Variants in CFAP299 observed in about 807,000 individuals in gnomAD.
CFAP299 encodes cilia and flagella associated protein 299, also known as cilia- and flagella-associated protein 299.
CFAP299 carries 21 observed loss-of-function variants against 27.0 expected under a neutral mutation model. That is an observed-to-expected ratio of 0.78 (90% CI 0.55 to 1.12). The LOEUF (loss-of-function observed/expected upper bound fraction) is 1.12. Among genes scored for constraint, CFAP299 ranks in the 50% most tolerant of loss-of-function variants. The pLI is 0.00. For missense variants in CFAP299, 310 were observed against 276.6 expected, an observed-to-expected ratio of 1.12 and a Z score of -0.86; for synonymous variants, 104 against 98.1, an observed-to-expected ratio of 1.06 and a Z score of -0.36.
chr4:80,488,351 T>A (rs1730934275), intron 2 of CFAP299, among the ~76,000 whole-genome samples: 2 of 152,198 alleles, frequency 1.3e-5, no homozygotes, highest in African/African-American at 4.8e-5. Flanking sequence ...TGATTGCAAC[T>A]GAGAAATTTT....
chr4:80,726,942 T>C (rs372529323), intron 3 of CFAP299, among the ~76,000 whole-genome samples: 1 of 152,096 alleles, frequency 6.6e-6, no homozygotes, highest in African/African-American at 2.4e-5. Context: ...TTTCTTTTAG[T>C]TCACTAATTT....
chr4:80,391,936 C>T (rs1425679016), intron 2 of CFAP299, among the ~76,000 whole-genome samples: 2 of 152,204 alleles, frequency 1.3e-5, no homozygotes, highest in African/African-American at 4.8e-5. Flanking sequence ...CATGGGAGCC[C>T]ATCTCTTGCA....
chr4:80,416,012 G>A (rs1425059543), intron 2 of CFAP299, among the ~76,000 whole-genome samples: 1 of 152,178 alleles, frequency 6.6e-6, no homozygotes, highest in African/African-American at 2.4e-5. Context: ...ATTAAAGCGG[G>A]CATAATTTCT....
intron 2 of CFAP299, among the ~76,000 whole-genome samples, chr4:80,394,938 CA>C (rs1180942927): frequency 2.0e-5 from 3 of 151,716 alleles, no homozygotes; most frequent in African/African-American, 2.4e-5. Flanking sequence ...AACTTTACAA[CA>C]TTTTTTTTCT....
intron 4 of CFAP299, among the ~76,000 whole-genome samples, chr4:80,906,694 T>A (rs770546054): frequency 3.3e-5 from 5 of 152,162 alleles, no homozygotes; most frequent in Non-Finnish European, 7.4e-5. Context: ...TGCACCTTCT[T>A]TGGCAATGGC....
intron 1 of CFAP299, among the ~76,000 whole-genome samples, chr4:80,341,003 T>C (rs997260181): frequency 3.3e-5 from 5 of 152,172 alleles, no homozygotes; most frequent in African/African-American, 1.2e-4. Context: ...CTTGAACTCC[T>C]GACCTCAGGT....
intron 3 of CFAP299, among the ~76,000 whole-genome samples, chr4:80,672,419 A>G (rs1187266265): frequency 6.6e-6 from 1 of 152,144 alleles, no homozygotes; most frequent in East Asian, 1.9e-4. Context: ...TATTTTATGG[A>G]GGATTTTCAC....
At chr4:80,498,107 A>G (rs1026431885) in intron 2 of CFAP299, among the ~76,000 whole-genome samples, 3 of 152,228 alleles carry the variant, frequency 2.0e-5, no homozygotes, top group Non-Finnish European at 2.9e-5. Flanking sequence ...GGATGGATTA[A>G]TGACTTAAAT....
chr4:80,629,173 C>T (rs1198318364), intron 3 of CFAP299, among the ~76,000 whole-genome samples: 1 of 152,060 alleles, frequency 6.6e-6, no homozygotes, highest in South Asian at 2.1e-4. Context: ...CATGTATTAA[C>T]CTGGAGGACA....
rs149786888 is a variant in CFAP299, at chr4:80,630,466, C to A, written c.333+47283C>A. Among the ~76,000 whole-genome samples, 14 of 152,008 alleles carry A rather than the reference C, an allele frequency of 9.2e-5. No individual in the cohort carries two copies. The East Asian group carries it at 2.7e-3, about 29-fold the overall frequency. On this transcript the variant is annotated intron_variant, in intron 3 of 5. Coordinates refer to ENST00000358105, the MANE Select transcript of CFAP299 (RefSeq NM_152770.3). Reference sequence around the variant, plus strand: ...GTGAACAGCATATATTTTAAAAGTTCTGGGTTATTAGAGTGATGACTACAT... The same window carrying A: ...GTGAACAGCATATATTTTAAAAGTTATGGGTTATTAGAGTGATGACTACAT...
intron 2 of CFAP299, among the ~76,000 whole-genome samples, chr4:80,467,542 C>T (rs1729766026): frequency 6.6e-6 from 1 of 152,186 alleles, no homozygotes. Flanking sequence ...CCTTGCCTTG[C>T]CCCAACCTGG....
At position 80,749,953 on chromosome 4, in the gene CFAP299, ATAGTACCTGATACTTGG is replaced by A. The variant is rs1249299136; in HGVS notation, c.334-120037_334-120021del. ...AATATTAACCATCACAGTACTTATC[ATAGTACCTGATACTTGG>A]TAAGTGAATTATAAATCTTAGCAAT... On this transcript the variant is annotated intron_variant, in intron 3 of 5. Coordinates refer to ENST00000358105, the MANE Select transcript of CFAP299 (RefSeq NM_152770.3). 7.9e-5 allele frequency among the ~76,000 whole-genome samples: 12 copies of A among 152,354 alleles called. No individual in the cohort carries two copies. In the East Asian group the frequency reaches 2.3e-3, roughly 29 times the overall value.
chr4:80,913,066 G>C (rs576250678), intron 4 of CFAP299, among the ~76,000 whole-genome samples: 3 of 152,144 alleles, frequency 2.0e-5, no homozygotes, highest in East Asian at 1.9e-4. Flanking sequence ...TTTTATAAAG[G>C]CACCTCCAAA....
rs375293063 is a variant in CFAP299, at chr4:80,340,877, G to A, written c.111+4998G>A. 1.4e-3 allele frequency among the ~76,000 whole-genome samples: 219 copies of A among 152,122 alleles called. 1 individual carries two copies. In the South Asian group the frequency reaches 0.027, roughly 18 times the overall value. On this transcript the variant is annotated intron_variant, in intron 1 of 5. Coordinates refer to ENST00000358105, the MANE Select transcript of CFAP299 (RefSeq NM_152770.3). ...AGCAACCTCCGCCTCTCAGGTTCAA[G>A]CAATTTTACTGCCCCAGCCTCCCAA...
chr4:80,790,467 T>C (rs1727492911), intron 3 of CFAP299: 1 of 151,950 alleles, frequency 6.6e-6, no homozygotes, highest in Non-Finnish European at 1.5e-5. Flanking sequence ...CCCTAAGTGA[T>C]AGTATTAGGA....
intron 3 of CFAP299, among the ~76,000 whole-genome samples, chr4:80,805,780 A>G (rs1036346326): frequency 3.3e-5 from 5 of 152,186 alleles, no homozygotes; most frequent in African/African-American, 1.2e-4. Flanking sequence ...AGGGTGAGGC[A>G]GGAGGCTCGC....
At chr4:80,408,132 A>G (rs895736639) in intron 2 of CFAP299, among the ~76,000 whole-genome samples, 1 of 152,176 alleles carries the variant, frequency 6.6e-6, no homozygotes, top group Non-Finnish European at 1.5e-5. Flanking sequence ...CATAGGCAAT[A>G]ATTTCTACTG....
chr4:80,409,052 A>AG (rs1368945229), intron 2 of CFAP299, among the ~76,000 whole-genome samples: 5 of 151,340 alleles, frequency 3.3e-5, no homozygotes, highest in African/African-American at 9.7e-5. Flanking sequence ...AAAAAAAAAA[A>AG]AGAGAGAAAA....
In CFAP299 at chr4:80,561,944, C is replaced by A. The variant is rs189263414; in HGVS notation, c.243-21149C>A. ...CAATCAACAATAATAACTACAACAA[C>A]TTTTTAAGACATGGACAATGTGGTA... is the stretch of plus-strand genomic sequence containing the variant. On this transcript the variant is annotated intron_variant, in intron 2 of 5. Transcript: ENST00000358105. Among the ~76,000 whole-genome samples the A allele has an allele frequency of 5.1e-3, 773 of 152,088 alleles. 5 individuals are homozygous for A. The highest frequency in any genetic ancestry group is 0.02 in the Middle Eastern group (6 of 294).
Sources: allele counts gnomAD v4.1 joint callset (sites outside exome capture counted in the v4.1 genomes callset), GRCh38; gene constraint gnomAD v4.1.1; transcripts MANE v1.5; gene names NCBI Gene and HGNC (gene_info 2026-07-23, HGNC 2026-07-21).